Variants in RETREG1 observed in about 807,000 individuals in gnomAD.
RETREG1 encodes the protein family with sequence similarity 134 member B.
Under a neutral mutation model 54.8 loss-of-function variants are expected in RETREG1, and 44 were observed. That is an observed-to-expected ratio of 0.80 (90% CI 0.63 to 1.03). RETREG1 has a LOEUF of 1.03. Ranked by LOEUF, RETREG1 falls within the 50% of genes least tolerant of loss-of-function variation. The pLI, the probability that RETREG1 is intolerant of heterozygous loss-of-function variation, is 0.00. For missense variants in RETREG1, 554 were observed against 605.1 expected (o/e 0.92, Z 0.89); for synonymous variants, 217 against 238.5 (o/e 0.91, Z 0.83).
chr5:16,520,896 G>A (rs1028259142), intron 3 of RETREG1, among the ~76,000 whole-genome samples: 2 of 152,078 alleles, frequency 1.3e-5, no homozygotes, highest in Admixed American at 1.3e-4. Flanking sequence ...CAGAGGACAG[G>A]AGTAGCCTCT....
intron 3 of RETREG1, among the ~76,000 whole-genome samples, chr5:16,528,739 G>A (rs532294795): frequency 2.1e-4 from 32 of 152,304 alleles, no homozygotes; most frequent in African/African-American, 7.7e-4. Context: ...CTGATGGCAT[G>A]AACTGCTTGA....
chr5:16,532,886 G>A (rs1740953641), intron 3 of RETREG1, among the ~76,000 whole-genome samples: 1 of 152,118 alleles, frequency 6.6e-6, no homozygotes, highest in Non-Finnish European at 1.5e-5. Flanking sequence ...CAACACAGAT[G>A]CAAACATGAA....
At chr5:16,548,774 A>G (rs1454176493) in intron 3 of RETREG1, among the ~76,000 whole-genome samples, 1 of 152,240 alleles carries the variant, frequency 6.6e-6, no homozygotes, top group African/African-American at 2.4e-5. Flanking sequence ...CTCTCCTTCT[A>G]TAACATAAAT....
chr5:16,555,806 T>C (rs1035239775), intron 3 of RETREG1, among the ~76,000 whole-genome samples: 11 of 152,254 alleles, frequency 7.2e-5, no homozygotes, highest in African/African-American at 2.4e-4. Context: ...ATAAGAGAAA[T>C]AGATTTCTAA....
At position 16,519,042 on chromosome 5, in the gene RETREG1, C is replaced by T. The variant is rs555496498; in HGVS notation, c.459-35570G>A. 2.6e-5 allele frequency among the ~76,000 whole-genome samples: 4 copies of T among 152,132 alleles called. 1 individual carries two copies. The highest frequency in any genetic ancestry group is 9.6e-5 in the African/African-American group (4 of 41,494). ...ATTTTTCTCCTTAGATCAAACTGAC[C>T]AAAAAGAAAACACCCAAACAAACAA... is the stretch of plus-strand genomic sequence containing the variant. On this transcript the variant is annotated intron_variant, in intron 3 of 8. Coordinates refer to ENST00000306320, the MANE Select transcript of RETREG1 (RefSeq NM_001034850.3).
intron 3 of RETREG1, among the ~76,000 whole-genome samples, chr5:16,557,228 A>G (rs1051617536): frequency 1.3e-5 from 2 of 152,178 alleles, no homozygotes; most frequent in African/African-American, 4.8e-5. Flanking sequence ...CTAGGCACGT[A>G]CTTACTTGAG....
At chr5:16,570,012 A>T (rs934646692) in intron 2 of RETREG1, among the ~76,000 whole-genome samples, 6 of 152,226 alleles carry the variant, frequency 3.9e-5, no homozygotes, top group African/African-American at 1.4e-4. Context: ...AGCCCTGCCA[A>T]CGCTTTGATT....
chr5:16,494,836 A>G (rs1449875479), intron 3 of RETREG1, among the ~76,000 whole-genome samples: 1 of 152,234 alleles, frequency 6.6e-6, no homozygotes, highest in Admixed American at 6.5e-5. Context: ...AGACTGGGTA[A>G]TAGGCAGAAG....
chr5:16,536,547 G>A (rs937423258), intron 3 of RETREG1, among the ~76,000 whole-genome samples: 3 of 151,662 alleles, frequency 2.0e-5, no homozygotes, highest in Non-Finnish European at 4.4e-5. Context: ...CTAACTCCTC[G>A]CCCAAGGAGC....
chr5:16,475,297 G>A, intron 8 of RETREG1, 63 bp from the exon 9 acceptor site: 1 of 1,571,938 alleles, frequency 6.4e-7, no homozygotes. Flanking sequence ...TAAAAGTGCT[G>A]TCTAAAGATA....
intron 4 of RETREG1, among the ~76,000 whole-genome samples, chr5:16,481,784 G>A (rs1725146023): frequency 6.6e-6 from 1 of 151,960 alleles, no homozygotes; most frequent in South Asian, 2.1e-4. Flanking sequence ...ATTGTTTTAA[G>A]AAATTTAAAA....
chr5:16,481,919 A>C (rs1253569675), intron 4 of RETREG1, among the ~76,000 whole-genome samples: 2 of 152,056 alleles, frequency 1.3e-5, no homozygotes, highest in Non-Finnish European at 2.9e-5. Context: ...ATCTTTAAAC[A>C]GTGATAGTAA....
intron 1 of RETREG1, among the ~76,000 whole-genome samples, chr5:16,574,727 TTTGA>T (rs1742277398): frequency 1.3e-5 from 2 of 152,278 alleles, no homozygotes; most frequent in East Asian, 3.9e-4. Context: ...AAACAGGTGG[TTTGA>T]TTACTAGTAT....
intron 3 of RETREG1, among the ~76,000 whole-genome samples, chr5:16,499,276 G>A (rs185270478): frequency 8.6e-5 from 13 of 152,044 alleles, no homozygotes; most frequent in East Asian, 1.9e-4. Context: ...TTAACATTTC[G>A]TTTACTTCAA....
chr5:16,528,584 G>A (rs1171471426), intron 3 of RETREG1, among the ~76,000 whole-genome samples: 2 of 152,140 alleles, frequency 1.3e-5, no homozygotes, highest in African/African-American at 4.8e-5. Flanking sequence ...ATAGCAGGGG[G>A]TTCTGAGACA....
At chr5:16,582,238 G>A (rs1742504658) in intron 1 of RETREG1, among the ~76,000 whole-genome samples, 1 of 152,186 alleles carries the variant, frequency 6.6e-6, no homozygotes, top group Non-Finnish European at 1.5e-5. Context: ...CGTTCTTTTA[G>A]CAAGTTAGGG....
intron 3 of RETREG1, among the ~76,000 whole-genome samples, chr5:16,505,673 A>G (rs1739925124): frequency 6.6e-6 from 1 of 151,894 alleles, no homozygotes; most frequent in Non-Finnish European, 1.5e-5. Flanking sequence ...CCCCCTTTCC[A>G]CACCCCTCAG....
In RETREG1 at chr5:16,597,342, T is replaced by C. The variant is rs1209922811; in HGVS notation, c.320+19310A>G. 6.6e-6 allele frequency among the ~76,000 whole-genome samples: 1 copy of C among 152,232 alleles called. No homozygotes were observed. Among genetic ancestry groups the C allele is most frequent in the Non-Finnish European group, 1.5e-5 (1 of 68,048 alleles). ...AAAATATCTGACACGGGATAAGTGCTCCACACCCATTAGTTCTGAATTGTA... is the reference window on the plus strand; with the variant it reads ...AAAATATCTGACACGGGATAAGTGCCCCACACCCATTAGTTCTGAATTGTA... On this transcript the variant is annotated intron_variant, in intron 1 of 8. Coordinates refer to ENST00000306320, the MANE Select transcript of RETREG1 (RefSeq NM_001034850.3). The surrounding 1 kb of genome is among the most constrained non-coding windows in gnomAD (Gnocchi z 4.3).
intron 3 of RETREG1, among the ~76,000 whole-genome samples, chr5:16,543,562 G>A (rs1272654798): frequency 6.6e-6 from 1 of 151,860 alleles, no homozygotes; most frequent in Non-Finnish European, 1.5e-5. Flanking sequence ...TGTAATCCCA[G>A]CTACTTGGGA....
Sources: allele counts gnomAD v4.1 joint callset (sites outside exome capture counted in the v4.1 genomes callset), GRCh38; gene constraint gnomAD v4.1.1; non-coding constraint Gnocchi (gnomAD v3.1); transcripts MANE v1.5; gene names NCBI Gene and HGNC (gene_info 2026-07-23, HGNC 2026-07-21).